CPQ: variants seen among roughly 807,000 people sequenced by gnomAD.
CPQ encodes carboxypeptidase Q, also known as Ser-Met dipeptidase.
A neutral mutation model predicts 45.7 loss-of-function variants in CPQ; 37 were observed. The observed-to-expected ratio is 0.81, with a 90% CI of 0.62 to 1.07. CPQ has a LOEUF of 1.07. Ranked by LOEUF, CPQ falls within the 50% of genes least tolerant of loss-of-function variation. The pLI is 0.00. For missense variants in CPQ, 537 were observed against 572.9 expected (o/e 0.94, Z 0.64); for synonymous variants, 186 against 205.8 (o/e 0.90, Z 0.82).
In CPQ at chr8:96,934,275, G is replaced by A. The variant is rs1813015110; in HGVS notation, c.850-31660G>A. ...CACAACAAGCCTAGGATTAAGGATG[G>A]TAGAGAGATTACTGTGTGTTGCTAT... On this transcript the variant is annotated intron_variant, in intron 4 of 7. Coordinates refer to ENST00000220763, the MANE Select transcript of CPQ (RefSeq NM_016134.4). Among the ~76,000 whole-genome samples the A allele has an allele frequency of 3.3e-5, 5 of 152,188 alleles. No homozygotes were observed. The South Asian group carries it at 1.0e-3, about 31-fold the overall frequency.
intron 2 of CPQ, among the ~76,000 whole-genome samples, chr8:96,802,963 T>C (rs1373661239): frequency 2.6e-5 from 4 of 151,292 alleles, no homozygotes; most frequent in African/African-American, 9.8e-5. Context: ...CTTGTATTAA[T>C]CAAGGTTCTC....
At chr8:96,763,130 G>C (rs972189645) in intron 1 of CPQ, among the ~76,000 whole-genome samples, 1 of 152,076 alleles carries the variant, frequency 6.6e-6, no homozygotes, top group Non-Finnish European at 1.5e-5. Flanking sequence ...AAAGACATCA[G>C]CCATATTGGG....
chr8:96,702,595 A>C (rs564643111), intron 1 of CPQ, among the ~76,000 whole-genome samples: 2 of 152,182 alleles, frequency 1.3e-5, no homozygotes, highest in Non-Finnish European at 2.9e-5. Context: ...AAGTCTTTTA[A>C]GCTTCACCAC....
intron 7 of CPQ, among the ~76,000 whole-genome samples, chr8:97,093,640 A>C (rs909851128): frequency 6.6e-6 from 1 of 152,140 alleles, no homozygotes; most frequent in African/African-American, 2.4e-5. Context: ...ATTCACTCAC[A>C]TTTGTTGAGT....
intron 2 of CPQ, among the ~76,000 whole-genome samples, chr8:96,814,739 C>A (rs1586411278): frequency 6.6e-6 from 1 of 152,108 alleles, no homozygotes; most frequent in South Asian, 2.1e-4. Flanking sequence ...AGGTGAAGCA[C>A]TGCATGCAAT....
At chr8:96,721,424 G>A (rs1173207941) in intron 1 of CPQ, among the ~76,000 whole-genome samples, 1 of 151,998 alleles carries the variant, frequency 6.6e-6, no homozygotes, top group Non-Finnish European at 1.5e-5. Flanking sequence ...TGGTTCTGTG[G>A]TCATTTATGG....
intron 1 of CPQ, among the ~76,000 whole-genome samples, chr8:96,718,967 G>A (rs528694210): frequency 6.6e-6 from 1 of 152,364 alleles, no homozygotes; most frequent in South Asian, 2.1e-4. Context: ...CAATCCCTGA[G>A]CTAGACATAA....
intron 5 of CPQ, among the ~76,000 whole-genome samples, chr8:96,994,890 A>C (rs1231508143): frequency 6.6e-6 from 1 of 152,110 alleles, no homozygotes; most frequent in African/African-American, 2.4e-5. Flanking sequence ...CTAAGTGCTA[A>C]TCATTGTGTG....
intron 1 of CPQ, among the ~76,000 whole-genome samples, chr8:96,727,638 G>A (rs180882678): frequency 1.7e-4 from 26 of 152,192 alleles, no homozygotes; most frequent in East Asian, 3.9e-4. Context: ...TCCAGATTCC[G>A]GATTTTTTTT....
intron 1 of CPQ, among the ~76,000 whole-genome samples, chr8:96,736,554 C>G (rs1172110063): frequency 6.6e-6 from 1 of 152,160 alleles, no homozygotes; most frequent in Non-Finnish European, 1.5e-5. Context: ...GAGCTCCACT[C>G]ACAGCTGGTA....
intron 1 of CPQ, among the ~76,000 whole-genome samples, chr8:96,779,856 G>T (rs1808438572): frequency 6.6e-6 from 1 of 152,204 alleles, no homozygotes; most frequent in African/African-American, 2.4e-5. Flanking sequence ...TTAAAAACAA[G>T]TATCAGTATA....
chr8:96,894,742 G>A (rs1032338567), intron 4 of CPQ, among the ~76,000 whole-genome samples: 4 of 152,096 alleles, frequency 2.6e-5, no homozygotes, highest in African/African-American at 9.7e-5. Flanking sequence ...TAGAGTCTAA[G>A]CTATCCAGAA....
chr8:97,046,874 G>T (rs1038719958), intron 6 of CPQ, among the ~76,000 whole-genome samples: 9 of 152,188 alleles, frequency 5.9e-5, no homozygotes, highest in African/African-American at 2.2e-4. Context: ...ATTAGGAAAG[G>T]TCAAAGGGAA....
rs1812020662 is a variant in CPQ, at chr8:97,134,771, T to C, written c.1256-8249T>C. On this transcript the variant is annotated intron_variant, in intron 7 of 7. Transcript: ENST00000220763. ...TCTATTTCTACCACTTACTACTGTA[T>C]GACATCAGACAAGTTACTAAAATCT... Among the ~76,000 whole-genome samples the C allele has an allele frequency of 1.3e-5, 2 of 152,200 alleles. 1 individual carries two copies. Among genetic ancestry groups the C allele is most frequent in the Admixed American group, 1.3e-4 (2 of 15,288 alleles).
intron 1 of CPQ, among the ~76,000 whole-genome samples, chr8:96,770,061 C>T (rs1326736094): frequency 6.6e-6 from 1 of 152,116 alleles, no homozygotes; most frequent in African/African-American, 2.4e-5. Flanking sequence ...AATTAATTTT[C>T]TAAGAAGGCA....
chr8:96,953,741 C>T (rs1424176983), intron 4 of CPQ, among the ~76,000 whole-genome samples: 1 of 152,022 alleles, frequency 6.6e-6, no homozygotes, highest in African/African-American at 2.4e-5. Context: ...AACATTTTCC[C>T]ATGACTGAGA....
At chr8:96,994,152 C>T (rs1013359248) in intron 5 of CPQ, among the ~76,000 whole-genome samples, 6 of 152,040 alleles carry the variant, frequency 3.9e-5, no homozygotes, top group African/African-American at 9.7e-5. Flanking sequence ...CCAATCTGCA[C>T]GGGATTTTGC....
chr8:96,883,557 G>A (rs1274925134), intron 4 of CPQ, among the ~76,000 whole-genome samples: 1 of 152,140 alleles, frequency 6.6e-6, no homozygotes, highest in Non-Finnish European at 1.5e-5. Flanking sequence ...TGAAAATGAG[G>A]ACAGTAAAGT....
intron 7 of CPQ, among the ~76,000 whole-genome samples, chr8:97,104,934 G>C (rs1329561822): frequency 6.6e-6 from 1 of 152,190 alleles, no homozygotes; most frequent in East Asian, 1.9e-4. Flanking sequence ...ATTTCACTGA[G>C]AGTCTTTTCC....
Sources: gnomAD v4.1 joint callset for allele counts (sites outside exome capture counted in the v4.1 genomes callset) on GRCh38, gnomAD v4.1.1 for gene constraint, MANE v1.5 for transcripts, NCBI Gene and HGNC (gene_info 2026-07-23, HGNC 2026-07-21) for gene names.